Variants in TMEM266 observed in about 807,000 individuals in gnomAD.
TMEM266 encodes transmembrane protein 266.
In TMEM266, 33 loss-of-function variants were observed where a neutral mutation model predicts 50.5. That is an observed-to-expected ratio of 0.65 (90% confidence interval 0.50 to 0.87). The LOEUF (loss-of-function observed/expected upper bound fraction) is 0.87, where lower values mean the gene tolerates loss of function less well. TMEM266 is among the 40% of genes least tolerant of loss of function. The pLI is 0.00. For missense variants in TMEM266, 655 were observed against 695.1 expected, an observed-to-expected ratio of 0.94 and a Z score of 0.65; for synonymous variants, 310 against 292.3, an observed-to-expected ratio of 1.06 and a Z score of -0.62.
intron 3 of TMEM266, among the ~76,000 whole-genome samples, chr15:76,142,354 T>C (rs2037693356): frequency 6.6e-6 from 1 of 150,890 alleles, no homozygotes; most frequent in Admixed American, 6.6e-5. Context: ...ACGCAGCCAC[T>C]GCACTCCAGC....
At chr15:76,156,784 C>T in intron 4 of TMEM266, 26 bp downstream of exon 4, 1 of 1,604,224 alleles carries the variant, frequency 6.2e-7, no homozygotes, top group Non-Finnish European at 8.5e-7. Flanking sequence ...GATACATATG[C>T]CAATACATAT....
At chr15:76,065,826 T>A (rs1234740797) in intron 1 of TMEM266, among the ~76,000 whole-genome samples, 1 of 152,096 alleles carries the variant, frequency 6.6e-6, no homozygotes, top group Non-Finnish European at 1.5e-5. Context: ...TGGCTCTCGT[T>A]TAGTTTGTTT....
intron 2 of TMEM266, among the ~76,000 whole-genome samples, chr15:76,135,986 C>G (rs1036340173): frequency 6.6e-5 from 10 of 151,650 alleles, no homozygotes; most frequent in South Asian, 2.1e-4. Context: ...TCTTGTTGCC[C>G]AGGCTGGAGT....
At chr15:76,089,856 T>TG (rs1596097416) in intron 1 of TMEM266, among the ~76,000 whole-genome samples, 1 of 152,166 alleles carries the variant, frequency 6.6e-6, no homozygotes, top group East Asian at 1.9e-4. Flanking sequence ...GAGACATTTC[T>TG]GAGAGATTTG....
chr15:76,115,116 A>C (rs1164950900), intron 1 of TMEM266, among the ~76,000 whole-genome samples: 1 of 152,150 alleles, frequency 6.6e-6, no homozygotes, highest in African/African-American at 2.4e-5. Flanking sequence ...ATTTTTTTAA[A>C]AAAGAAATAT....
At chr15:76,064,864 T>G (rs2036382835) in intron 1 of TMEM266, among the ~76,000 whole-genome samples, 1 of 152,226 alleles carries the variant, frequency 6.6e-6, no homozygotes, top group Non-Finnish European at 1.5e-5. Flanking sequence ...TTCTTTCCCT[T>G]GGCTCAAAAC....
intron 6 of TMEM266, 73 bp downstream of exon 6, chr15:76,169,945 A>G (rs12902022): frequency 0.13 from 197,008 of 1,476,316 alleles, 14,907 homozygotes; most frequent in Admixed American, 0.28. Context: ...TGTCCCATCC[A>G]TTCCAGGGTG....
chr15:76,115,807 C>A (rs141781857), intron 1 of TMEM266, among the ~76,000 whole-genome samples: 13 of 152,188 alleles, frequency 8.5e-5, no homozygotes, highest in African/African-American at 2.6e-4. Context: ...GGGGAAATTC[C>A]CACATTTAGT....
At chr15:76,070,365 C>A in intron 1 of TMEM266, among the ~76,000 whole-genome samples, 1 of 152,214 alleles carries the variant, frequency 6.6e-6, no homozygotes, top group African/African-American at 2.4e-5. Context: ...TTATTCATCA[C>A]AACTGTATCA....
chr15:76,170,589 C>CG (rs2038172207), intron 6 of TMEM266, among the ~76,000 whole-genome samples: 1 of 152,140 alleles, frequency 6.6e-6, no homozygotes, highest in African/African-American at 2.4e-5. Context: ...AGCTGAGATG[C>CG]GGGTTCCGGG....
In TMEM266 at chr15:76,158,805, C is replaced by T. The variant is rs111882875; in HGVS notation, c.383-1290C>T. ...TATTCATGTGGCCTGACTCGGAGCT[C>T]ATCTTCTAAGGGTCGTCTTGGCCCA... On this transcript the variant is annotated intron_variant, in intron 4 of 10. Coordinates refer to ENST00000388942, the MANE Select transcript of TMEM266 (RefSeq NM_152335.3). Among the ~76,000 whole-genome samples, 960 of 152,322 alleles carry T rather than the reference C, an allele frequency of 6.3e-3. 15 individuals are homozygous for T. Among genetic ancestry groups the T allele is most frequent in the African/African-American group, 0.022 (927 of 41,560 alleles).
At chr15:76,143,222 C>G (rs1344705052) in intron 3 of TMEM266, among the ~76,000 whole-genome samples, 3 of 152,176 alleles carry the variant, frequency 2.0e-5, no homozygotes, top group Non-Finnish European at 4.4e-5. Flanking sequence ...CTCGTGTCCT[C>G]CCCTGACTCC....
intron 5 of TMEM266, among the ~76,000 whole-genome samples, chr15:76,167,563 A>C (rs1221872122): frequency 6.6e-6 from 1 of 151,516 alleles, no homozygotes; most frequent in Non-Finnish European, 1.5e-5. Flanking sequence ...GTGCAGTGGC[A>C]TGATCTCAGC....
intron 1 of TMEM266, among the ~76,000 whole-genome samples, chr15:76,116,111 A>G (rs1037455397): frequency 1.3e-5 from 2 of 152,132 alleles, no homozygotes; most frequent in Non-Finnish European, 2.9e-5. Flanking sequence ...CCTCACGGTT[A>G]CAGGCAGCCT....
chr15:76,106,919 T>C (rs569921388), intron 1 of TMEM266, among the ~76,000 whole-genome samples: 1 of 152,378 alleles, frequency 6.6e-6, no homozygotes, highest in Non-Finnish European at 1.5e-5. Context: ...TGTTGTGTTC[T>C]TTCCTGCTTC....
chr15:76,169,745 G>C, intron 5 of TMEM266, 71 bp from the exon 6 acceptor site: 2 of 1,490,786 alleles, frequency 1.3e-6, no homozygotes, highest in South Asian at 1.1e-5. Flanking sequence ...AGCTCTGAGT[G>C]CTGAGCTCTG....
intron 1 of TMEM266, among the ~76,000 whole-genome samples, chr15:76,090,123 T>G (rs1243135917): frequency 2.0e-5 from 3 of 152,198 alleles, no homozygotes; most frequent in Admixed American, 2.0e-4. Context: ...CTAGATGAGC[T>G]ATTTCAGAAA....
rs1160309591 is a variant in TMEM266, at chr15:76,198,805, C to T, written c.959-3397C>T. On this transcript the variant is annotated intron_variant, in intron 9 of 10. Coordinates refer to ENST00000388942, the MANE Select transcript of TMEM266 (RefSeq NM_152335.3). Reference sequence around the variant, plus strand: ...TGGAAGAAGAGGATCCACCAGCCTGCATGACACAAGACAACAGGCAGGCCC... The same window carrying T: ...TGGAAGAAGAGGATCCACCAGCCTGTATGACACAAGACAACAGGCAGGCCC... Among the ~76,000 whole-genome samples the T allele has an allele frequency of 2.0e-5, 3 of 152,276 alleles. No homozygotes were observed. The East Asian group carries it at 5.8e-4, about 29-fold the overall frequency.
chr15:76,200,738 G>A (rs2038732904), intron 9 of TMEM266, among the ~76,000 whole-genome samples: 1 of 152,210 alleles, frequency 6.6e-6, no homozygotes, highest in South Asian at 2.1e-4. Flanking sequence ...AGGCTAGACA[G>A]CATTGGCAGT....
Sources: allele counts gnomAD v4.1 joint callset (sites outside exome capture counted in the v4.1 genomes callset), GRCh38; gene constraint gnomAD v4.1.1; transcripts MANE v1.5; gene names NCBI Gene and HGNC (gene_info 2026-07-23, HGNC 2026-07-21).